IQCK: variants seen among roughly 807,000 people sequenced by gnomAD.
IQCK encodes IQ domain-containing protein K.
IQCK carries 29 observed loss-of-function variants against 28.1 expected under a neutral mutation model. That is an observed-to-expected ratio of 1.03 (90% CI 0.77 to 1.41). The LOEUF (loss-of-function observed/expected upper bound fraction) is 1.41. Ranked by LOEUF, IQCK falls within the 40% of genes most tolerant of loss-of-function variation. The pLI, the probability that IQCK is intolerant of heterozygous loss-of-function variation, is 0.00. For synonymous variants in IQCK, 113 were observed against 115.1 expected (o/e 0.98, Z 0.12); for missense variants, 359 against 314.7 (o/e 1.14, Z -1.07).
At position 19,774,398 on chromosome 16, in the gene IQCK, C is replaced by CTTTTTT. The variant is rs1167894201; in HGVS notation, c.605+10308_605+10313dup. 2.1e-3 allele frequency among the ~76,000 whole-genome samples: 218 copies of CTTTTTT among 104,082 alleles called. 30 individuals carry two copies. The highest frequency in any genetic ancestry group is 7.8e-3 in the African/African-American group (212 of 27,116). 68.3% of individuals were successfully genotyped at this position (104,082 alleles called of 152,430 possible). Reference sequence around the variant, plus strand: ...AAGGGAATTATTTATTTAGCTAATACTTTTTTTTTTTTTTTTTTTTTTTTT... The same window carrying CTTTTTT: ...AAGGGAATTATTTATTTAGCTAATACTTTTTTTTTTTTTTTTTTTTTTTTTTTTTTT... On this transcript the variant is annotated intron_variant, in intron 6 of 7. Transcript: ENST00000564186.
chr16:19,757,838 A>G lies in IQCK; in HGVS notation c.475-6010A>G, dbSNP rs563682988. On this transcript the variant is annotated intron_variant, in intron 4 of 7. Transcript: ENST00000564186. Reference sequence around the variant, plus strand: ...CACATATCCACTGCCTTGATTCTACAATTTCCATTTTGCTTTATTTGTTTT... The same window carrying G: ...CACATATCCACTGCCTTGATTCTACGATTTCCATTTTGCTTTATTTGTTTT... Among the ~76,000 whole-genome samples, 19 of 152,232 alleles carry G rather than the reference A, an allele frequency of 1.2e-4. No individual in the cohort carries two copies. In the East Asian group the frequency reaches 3.5e-3, roughly 28 times the overall value.
At chr16:19,843,604 GA>G (rs1035434869) in intron 9 of IQCK, among the ~76,000 whole-genome samples, 3 of 152,186 alleles carry the variant, frequency 2.0e-5, no homozygotes, top group African/African-American at 4.8e-5. Context: ...AAATACCACA[GA>G]CTTGACAGTT....
chr16:19,842,654 C>G (rs576790149), intron 9 of IQCK, among the ~76,000 whole-genome samples: 1 of 152,306 alleles, frequency 6.6e-6, no homozygotes, highest in South Asian at 2.1e-4. Context: ...CCCTGACTTT[C>G]CCTTTGTGCC....
chr16:19,775,015 C>T (rs571998724), intron 6 of IQCK, among the ~76,000 whole-genome samples: 1 of 152,124 alleles, frequency 6.6e-6, no homozygotes, highest in South Asian at 2.1e-4. Flanking sequence ...AGCATGAGGT[C>T]AGGAGTTCGA....
intron 9 of IQCK, among the ~76,000 whole-genome samples, chr16:19,842,339 T>C (rs2056371421): frequency 6.6e-6 from 1 of 152,234 alleles, no homozygotes. Flanking sequence ...GTAAAAGCAA[T>C]GTAAAACATA....
chr16:19,857,552 T>G (rs905347244), exon 10 of IQCK: 31 of 373,624 alleles, frequency 8.3e-5, no homozygotes, highest in Admixed American at 1.2e-4. Context: ...GAGCCTTAGC[T>G]CTTCATCAGT....
intron 1 of IQCK, among the ~76,000 whole-genome samples, chr16:19,718,913 C>A (rs13338725): frequency 1.1e-3 from 170 of 152,298 alleles, no homozygotes; most frequent in African/African-American, 3.4e-3. Flanking sequence ...AAAAGAGCAC[C>A]CCAGGTAATC....
chr16:19,720,995 A>G (rs2151670351), intron 1 of IQCK, among the ~76,000 whole-genome samples: 1 of 152,062 alleles, frequency 6.6e-6, no homozygotes, highest in South Asian at 2.1e-4. Context: ...CTGGGCAACA[A>G]AGTAAGAATC....
At chr16:19,727,234 GT>G (rs900791406) in intron 1 of IQCK, among the ~76,000 whole-genome samples, 15 of 152,128 alleles carry the variant, frequency 9.9e-5, no homozygotes, top group African/African-American at 3.4e-4. Flanking sequence ...AGGACACAGT[GT>G]TATGTGGTTC....
At chr16:19,837,024 G>A (rs1486584589) in intron 9 of IQCK, among the ~76,000 whole-genome samples, 1 of 152,142 alleles carries the variant, frequency 6.6e-6, no homozygotes, top group East Asian at 1.9e-4. Context: ...CTGGAATAGT[G>A]CCTGGCCCAT....
chr16:19,852,312 C>T (rs1013544303), intron 9 of IQCK, among the ~76,000 whole-genome samples: 1 of 152,060 alleles, frequency 6.6e-6, no homozygotes, highest in Non-Finnish European at 1.5e-5. Flanking sequence ...TGGAGGATCG[C>T]TTGAGCCTCC....
At chr16:19,776,251 G>A (rs1377349424) in intron 6 of IQCK, among the ~76,000 whole-genome samples, 1 of 152,138 alleles carries the variant, frequency 6.6e-6, no homozygotes, top group African/African-American at 2.4e-5. Flanking sequence ...TCAAGCCAGT[G>A]CATAGCAGAG....
At chr16:19,776,055 A>G (rs533427768) in intron 6 of IQCK, among the ~76,000 whole-genome samples, 1 of 151,546 alleles carries the variant, frequency 6.6e-6, no homozygotes, top group Non-Finnish European at 1.5e-5. Context: ...TAATTTTTGT[A>G]TTTTTATTAG....
intron 7 of IQCK, among the ~76,000 whole-genome samples, chr16:19,803,146 G>GT (rs917518354): frequency 6.6e-6 from 1 of 151,892 alleles, no homozygotes; most frequent in Non-Finnish European, 1.5e-5. Flanking sequence ...TTGTTTGTTT[G>GT]TTTTTTTGTT....
At chr16:19,732,428 C>A (rs1163992231) in intron 2 of IQCK, among the ~76,000 whole-genome samples, 1 of 152,152 alleles carries the variant, frequency 6.6e-6, no homozygotes, top group East Asian at 1.9e-4. Flanking sequence ...GGTGAACAGG[C>A]AGAGAGTCGG....
At chr16:19,770,473 G>T (rs2055305505) in intron 6 of IQCK, among the ~76,000 whole-genome samples, 1 of 152,236 alleles carries the variant, frequency 6.6e-6, no homozygotes, top group Middle Eastern at 3.4e-3. Flanking sequence ...TTCTTTTCTG[G>T]AGTTTCTAGG....
downstream of IQCK, among the ~76,000 whole-genome samples, chr16:19,829,398 G>T (rs13336208): frequency 0.017 from 2,625 of 151,020 alleles, 57 homozygotes; most frequent in African/African-American, 0.06. Context: ...GTGCAGTGGC[G>T]CAATCTCAGC....
intron 6 of IQCK, among the ~76,000 whole-genome samples, chr16:19,786,694 T>C (rs1169277127): frequency 6.4e-5 from 9 of 140,588 alleles, no homozygotes; most frequent in African/African-American, 2.4e-4. Flanking sequence ...TGAAACTTCA[T>C]TGAAAGGAAG....
intron 1 of IQCK, among the ~76,000 whole-genome samples, chr16:19,727,368 C>T (rs1977688837): frequency 6.6e-6 from 1 of 152,048 alleles, no homozygotes; most frequent in Non-Finnish European, 1.5e-5. Context: ...GGGCGGATTG[C>T]CTGAGCTTAG....
Sources: allele counts gnomAD v4.1 joint callset (sites outside exome capture counted in the v4.1 genomes callset), GRCh38; gene constraint gnomAD v4.1.1; transcripts MANE v1.5; gene names NCBI Gene and HGNC (gene_info 2026-07-23, HGNC 2026-07-21).